The following SPAG16 variants were observed in gnomAD, a reference collection of about 807,000 sequenced individuals.
SPAG16 encodes the protein sperm-associated antigen 16 protein.
SPAG16 carries 86 observed loss-of-function variants against 80.4 expected under a neutral mutation model. The ratio of observed to expected loss-of-function variants is 1.07; its 90% CI spans 0.90 to 1.28. SPAG16 has a LOEUF of 1.28. SPAG16 is among the 50% of genes most tolerant of loss of function. The probability of loss-of-function intolerance (pLI) is 0.00; values close to 1 mark genes in which losing one functional copy is unlikely to be tolerated. For synonymous variants in SPAG16, 294 were observed against 265.9 expected (o/e 1.11, Z -1.03); for missense variants, 870 against 765.3 (o/e 1.14, Z -1.61).
At chr2:213,633,118 G>A (rs915442941) in intron 10 of SPAG16, among the ~76,000 whole-genome samples, 1 of 152,068 alleles carries the variant, frequency 6.6e-6, no homozygotes, top group Non-Finnish European at 1.5e-5. Flanking sequence ...TTCACTGAGA[G>A]ACTTTTTATT....
intron 1 of SPAG16, among the ~76,000 whole-genome samples, chr2:213,293,241 A>T (rs1359157195): frequency 6.6e-6 from 1 of 152,184 alleles, no homozygotes; most frequent in African/African-American, 2.4e-5. Flanking sequence ...ATCCTCAGCC[A>T]TGCAGAACTA....
intron 10 of SPAG16, among the ~76,000 whole-genome samples, chr2:213,500,154 C>G (rs1319135368): frequency 2.6e-5 from 4 of 152,168 alleles, no homozygotes; most frequent in Non-Finnish European, 4.4e-5. Context: ...ATACACCTGA[C>G]AAACCCACAG....
At chr2:213,855,090 C>G (rs1189427256) in intron 10 of SPAG16, among the ~76,000 whole-genome samples, 1 of 152,190 alleles carries the variant, frequency 6.6e-6, no homozygotes, top group African/African-American at 2.4e-5. Flanking sequence ...ATTATCTTTG[C>G]TTGATCCATC....
intron 9 of SPAG16, among the ~76,000 whole-genome samples, chr2:213,443,237 T>C (rs1449929521): frequency 1.3e-5 from 2 of 152,214 alleles, no homozygotes; most frequent in African/African-American, 2.4e-5. Context: ...ATAGTCCTTA[T>C]GATTTACATT....
At chr2:213,948,249 C>G (rs926075686) in intron 12 of SPAG16, among the ~76,000 whole-genome samples, 2 of 152,102 alleles carry the variant, frequency 1.3e-5, no homozygotes, top group Non-Finnish European at 2.9e-5. Flanking sequence ...TAGGGTCAAA[C>G]TGTGAGTTTT....
chr2:214,369,712 A>G (rs1699694853), intron 15 of SPAG16, among the ~76,000 whole-genome samples: 1 of 151,894 alleles, frequency 6.6e-6, no homozygotes, highest in African/African-American at 2.4e-5. Context: ...AACTCCCTCA[A>G]TTTTCTTTCC....
chr2:213,521,934 C>G (rs2075688753), intron 10 of SPAG16, among the ~76,000 whole-genome samples: 1 of 152,176 alleles, frequency 6.6e-6, no homozygotes, highest in Non-Finnish European at 1.5e-5. Flanking sequence ...TGAAGCATAG[C>G]AATATCTTTT....
intron 15 of SPAG16, among the ~76,000 whole-genome samples, chr2:214,180,807 A>C (rs1232001030): frequency 1.3e-5 from 2 of 151,852 alleles, no homozygotes; most frequent in East Asian, 3.9e-4. Context: ...TATTTTCGGA[A>C]TAATTAACAA....
At chr2:214,077,197 G>A (rs928256443) in intron 13 of SPAG16, among the ~76,000 whole-genome samples, 50 of 152,042 alleles carry the variant, frequency 3.3e-4, no homozygotes, top group African/African-American at 1.1e-3. Context: ...CACAACCTCC[G>A]GGTACCTAGG....
At chr2:213,416,326 T>C (rs2069250359) in intron 9 of SPAG16, among the ~76,000 whole-genome samples, 1 of 152,204 alleles carries the variant, frequency 6.6e-6, no homozygotes, top group Admixed American at 6.5e-5. Context: ...TCAGAATGTA[T>C]CAGGGACCAG....
At chr2:214,341,933 T>C (rs907677379) in intron 15 of SPAG16, among the ~76,000 whole-genome samples, 4 of 152,038 alleles carry the variant, frequency 2.6e-5, no homozygotes, top group Admixed American at 1.3e-4. Flanking sequence ...CAGGGAGGTC[T>C]CCAAGGCAAA....
intron 11 of SPAG16, among the ~76,000 whole-genome samples, chr2:213,873,621 A>G (rs185600190): frequency 1.7e-4 from 26 of 152,118 alleles, no homozygotes; most frequent in Non-Finnish European, 3.1e-4. Flanking sequence ...TGTACCATTT[A>G]CATCTGTGAA....
intron 3 of SPAG16, among the ~76,000 whole-genome samples, chr2:213,301,466 A>G (rs1393709392): frequency 1.3e-5 from 2 of 152,192 alleles, no homozygotes; most frequent in African/African-American, 2.4e-5. Context: ...AAATTTGTCA[A>G]GATACTTAAT....
intron 15 of SPAG16, among the ~76,000 whole-genome samples, chr2:214,150,952 A>C (rs1311901787): frequency 6.6e-6 from 1 of 152,056 alleles, no homozygotes; most frequent in Non-Finnish European, 1.5e-5. Context: ...TTGGTGATAC[A>C]CTAATATTAA....
intron 15 of SPAG16, among the ~76,000 whole-genome samples, chr2:214,393,161 A>T (rs757313588): frequency 1.1e-4 from 17 of 152,238 alleles, no homozygotes; most frequent in Non-Finnish European, 2.5e-4. Context: ...CTTGTATGAA[A>T]GCAGTCATCT....
chr2:213,451,290 A>G (rs896872533), intron 9 of SPAG16, among the ~76,000 whole-genome samples: 1 of 152,250 alleles, frequency 6.6e-6, no homozygotes, highest in Admixed American at 6.5e-5. Context: ...AGAAACAAGT[A>G]CGTTATCCTC....
chr2:213,292,525 G>A lies in SPAG16; in HGVS notation c.137-3539G>A, dbSNP rs973309601. Among the ~76,000 whole-genome samples the A allele has an allele frequency of 6.0e-5, 9 of 150,334 alleles. 1 individual carries two copies. Among genetic ancestry groups the A allele is most frequent in the Admixed American group, 6.6e-5 (1 of 15,138 alleles). ...TAAAAATACAAAAAATTAGCCGGGC[G>A]TAGTGGCGGGCGCCTGTAGTCCCAG... is the stretch of plus-strand genomic sequence containing the variant. On this transcript the variant is annotated intron_variant, in intron 1 of 15. Transcript: ENST00000331683.
chr2:213,605,101 A>G (rs1048103608), intron 10 of SPAG16, among the ~76,000 whole-genome samples: 1 of 151,962 alleles, frequency 6.6e-6, no homozygotes, highest in African/African-American at 2.4e-5. Flanking sequence ...TATTTCATGT[A>G]TACATGAAAA....
At chr2:213,866,126 AAAAG>A (rs770887963) in intron 11 of SPAG16, among the ~76,000 whole-genome samples, 95 of 151,640 alleles carry the variant, frequency 6.3e-4, no homozygotes, top group Non-Finnish European at 1.0e-3. Context: ...AAACTTACCA[AAAAG>A]AAAGAAAGAA....
Sources: gnomAD v4.1 joint callset for allele counts (sites outside exome capture counted in the v4.1 genomes callset) on GRCh38, gnomAD v4.1.1 for gene constraint, MANE v1.5 for transcripts, NCBI Gene and HGNC (gene_info 2026-07-23, HGNC 2026-07-21) for gene names.